TINAG: variants seen among roughly 807,000 people sequenced by gnomAD.
TINAG encodes the protein tubulointerstitial nephritis antigen.
TINAG carries 83 observed loss-of-function variants against 72.7 expected under a neutral mutation model. That is an observed-to-expected ratio of 1.14 (90% CI 0.96 to 1.37). TINAG has a LOEUF of 1.37. Among genes scored for constraint, TINAG ranks in the 40% most tolerant of loss-of-function variants. TINAG has a pLI of 0.00. For missense variants in TINAG, 685 were observed against 576.6 expected, an observed-to-expected ratio of 1.19 and a Z score of -1.93; for synonymous variants, 234 against 189.9, an observed-to-expected ratio of 1.23 and a Z score of -1.91.
chr6:54,349,342 T>C (rs968722840), intron 6 of TINAG, among the ~76,000 whole-genome samples: 1 of 151,994 alleles, frequency 6.6e-6, no homozygotes, highest in Non-Finnish European at 1.5e-5. Context: ...TGGTTTATAT[T>C]AAATTTTAAA....
intron 8 of TINAG, among the ~76,000 whole-genome samples, chr6:54,351,845 C>T (rs1785273702): frequency 6.6e-6 from 1 of 151,808 alleles, no homozygotes; most frequent in Non-Finnish European, 1.5e-5. Flanking sequence ...TATTTTCCTT[C>T]TATTAGCTCA....
Position 54,308,898 on chromosome 6 carries a change from T to A in TINAG, c.348T>A (p.Tyr116Ter), listed in dbSNP as rs1358867182. 8 of 1,605,218 alleles carry A rather than the reference T, an allele frequency of 5.0e-6. No individual in the cohort carries two copies. Among genetic ancestry groups the A allele is most frequent in the Middle Eastern group, 3.3e-4 (2 of 6,004 alleles). The change falls in exon 1 of 11, where the codon TAT becomes TAA. Residue 116 changes from tyrosine to a stop codon, truncating the protein, a stop_gained. Transcript: ENST00000259782. LOFTEE classifies it high-confidence loss of function. ...GGCCTCCTCACACACAGCCTTGGTATCCAGAAGGTAGGCTTTGGGAATGTG... is the reference window on the plus strand; with the variant it reads ...GGCCTCCTCACACACAGCCTTGGTAACCAGAAGGTAGGCTTTGGGAATGTG... ...KEWPPHTQPW[Y>*]PEGCFKDGQH...
At chr6:54,348,617 C>T (rs551984869) in intron 6 of TINAG, among the ~76,000 whole-genome samples, 16 of 152,082 alleles carry the variant, frequency 1.1e-4, no homozygotes, top group Non-Finnish European at 2.1e-4. Flanking sequence ...CTGGTTTCTT[C>T]CTTTTCTTAT....
At position 54,362,740 on chromosome 6, in the gene TINAG, C is replaced by T. The variant is rs576205439; in HGVS notation, c.1250+8104C>T. Among the ~76,000 whole-genome samples, 4 of 151,608 alleles carry T rather than the reference C, an allele frequency of 2.6e-5. No homozygotes were observed. In the South Asian group the frequency reaches 8.3e-4, roughly 31 times the overall value. The stretch of plus-strand genomic sequence containing the variant: ...CAATTGAAAACTTCTGGAAAGTGTT[C>T]TGCATTCTAGATGCCATTAAGAACA... On this transcript the variant is annotated intron_variant, in intron 9 of 10. Coordinates refer to ENST00000259782, the MANE Select transcript of TINAG (RefSeq NM_014464.4).
At chr6:54,384,525 A>G (rs1764040495) in intron 10 of TINAG, among the ~76,000 whole-genome samples, 2 of 152,172 alleles carry the variant, frequency 1.3e-5, no homozygotes, top group South Asian at 4.1e-4. Context: ...TTCAACAACA[A>G]CAATAAAAAA....
intron 4 of TINAG, among the ~76,000 whole-genome samples, chr6:54,330,771 GA>G (rs1161796285): frequency 1.3e-5 from 2 of 152,092 alleles, no homozygotes; most frequent in Admixed American, 6.5e-5. Context: ...TGGTAAAGGG[GA>G]TAACATCACT....
At chr6:54,388,564 T>C (rs961758903) in intron 10 of TINAG, among the ~76,000 whole-genome samples, 3 of 152,096 alleles carry the variant, frequency 2.0e-5, no homozygotes, top group African/African-American at 7.2e-5. Flanking sequence ...AGTCCCAGGG[T>C]AGGGTAAATG....
chr6:54,330,097 A>C (rs1168434135), intron 4 of TINAG, among the ~76,000 whole-genome samples: 1 of 152,152 alleles, frequency 6.6e-6, no homozygotes, highest in Admixed American at 6.6e-5. Flanking sequence ...TCAGGACTTG[A>C]ACTCAGTTGT....
chr6:54,364,005 T>A (rs1304023275), intron 9 of TINAG, among the ~76,000 whole-genome samples: 1 of 151,528 alleles, frequency 6.6e-6, no homozygotes, highest in African/African-American at 2.4e-5. Context: ...TTAGAAAAAT[T>A]TCTGTTGGAG....
rs145430964 is a variant in TINAG, at chr6:54,376,262, T to C, written c.1251-4264T>C. 1.7e-3 allele frequency among the ~76,000 whole-genome samples: 264 copies of C among 152,318 alleles called. 2 individuals are homozygous for C. Among genetic ancestry groups the C allele is most frequent in the Non-Finnish European group, 3.1e-3 (209 of 68,024 alleles). ...AGAATTCTATCTATTTATATTCTTG[T>C]TTTTCATTCCTCAATATCAGTCCCA... On this transcript the variant is annotated intron_variant, in intron 9 of 10. Transcript: ENST00000259782.
chr6:54,315,742 CAG>C (rs1454727203), intron 1 of TINAG, among the ~76,000 whole-genome samples: 1 of 151,254 alleles, frequency 6.6e-6, no homozygotes, highest in African/African-American at 2.4e-5. Context: ...GAGTTGAAAA[CAG>C]AGCTCGAGTG....
intron 1 of TINAG, among the ~76,000 whole-genome samples, chr6:54,315,961 T>A (rs574548001): frequency 3.3e-5 from 5 of 152,304 alleles, no homozygotes; most frequent in Admixed American, 2.6e-4. Flanking sequence ...TGAAGGTAAA[T>A]CACAGTCCAT....
intron 10 of TINAG, among the ~76,000 whole-genome samples, chr6:54,384,650 C>T (rs1764045531): frequency 6.6e-6 from 1 of 151,670 alleles, no homozygotes; most frequent in South Asian, 2.1e-4. Flanking sequence ...CATTTTTCTC[C>T]AAAATAAATA....
intron 9 of TINAG, among the ~76,000 whole-genome samples, chr6:54,360,539 A>G (rs568049249): frequency 2.0e-5 from 3 of 151,752 alleles, no homozygotes; most frequent in Non-Finnish European, 3.0e-5. Flanking sequence ...CTCCATGCCC[A>G]TTAGAATTTG....
intron 4 of TINAG, among the ~76,000 whole-genome samples, chr6:54,342,117 A>G (rs946105972): frequency 6.6e-6 from 1 of 152,076 alleles, no homozygotes; most frequent in South Asian, 2.1e-4. Flanking sequence ...AAAAACTAAT[A>G]AACAAATCGT....
chr6:54,328,811 G>T (rs935437007), intron 4 of TINAG, among the ~76,000 whole-genome samples: 1 of 151,546 alleles, frequency 6.6e-6, no homozygotes, highest in African/African-American at 2.4e-5. Flanking sequence ...CACAACACAA[G>T]AACTTCATGA....
chr6:54,351,290 A>C, intron 7 of TINAG, 62 bp from the exon 8 acceptor site: 1 of 1,431,534 alleles, frequency 7.0e-7, no homozygotes, highest in Non-Finnish European at 9.8e-7. Context: ...ATTGTACACC[A>C]ATCAATGGGT....
intron 5 of TINAG, 39 bp from the exon 6 acceptor site, chr6:54,347,328 G>A: frequency 1.9e-6 from 3 of 1,604,820 alleles, no homozygotes; most frequent in Non-Finnish European, 2.6e-6. Flanking sequence ...GAAATACCGT[G>A]TATCATTTCA....
chr6:54,318,059 G>T (rs1378960889), intron 1 of TINAG, among the ~76,000 whole-genome samples: 1 of 151,750 alleles, frequency 6.6e-6, no homozygotes, highest in African/African-American at 2.4e-5. Flanking sequence ...CCACTCCTTC[G>T]CAGTTTCCTC....
Sources: allele counts gnomAD v4.1 joint callset (sites outside exome capture counted in the v4.1 genomes callset), GRCh38; gene constraint gnomAD v4.1.1; transcripts MANE v1.5; gene names NCBI Gene and HGNC (gene_info 2026-07-23, HGNC 2026-07-21).